The following CAB39 variants were observed in gnomAD, a reference collection of about 807,000 sequenced individuals.
CAB39 encodes the protein calcium binding protein 39, also known as calcium-binding protein 39.
Under a neutral mutation model 40.0 loss-of-function variants are expected in CAB39, and 8 were observed. That is an observed-to-expected ratio of 0.20 (90% CI 0.12 to 0.36). The LOEUF is 0.36. CAB39 is among the 10% of genes least tolerant of loss of function. The pLI is 1.00. For missense variants in CAB39, 270 were observed against 401.1 expected (o/e 0.67, Z 2.79); for synonymous variants, 156 against 141.6 (o/e 1.10, Z -0.72).
chr2:230,820,385 A>G lies in CAB39; in HGVS notation c.*1681A>G, dbSNP rs567269303. 2 of 152,326 alleles carry G rather than the reference A, an allele frequency of 1.3e-5. No individual in the cohort carries two copies. Among genetic ancestry groups the G allele is most frequent in the African/African-American group, 4.8e-5 (2 of 41,562 alleles). 9.4% of individuals were successfully genotyped at this position (152,326 alleles called of 1,614,324 possible). ...GCTCCAGAAAATATAGATATATTTTATTTTTATTAAAATGGCAGTCTACAT... is the reference window on the plus strand; with the variant it reads ...GCTCCAGAAAATATAGATATATTTTGTTTTTATTAAAATGGCAGTCTACAT... On this transcript the variant is annotated 3_prime_UTR_variant, in exon 9 of 9. Coordinates refer to ENST00000258418, the MANE Select transcript of CAB39 (RefSeq NM_016289.4).
At chr2:230,766,580 G>C (rs1695389981) in intron 2 of CAB39, among the ~76,000 whole-genome samples, 1 of 152,202 alleles carries the variant, frequency 6.6e-6, no homozygotes, top group Non-Finnish European at 1.5e-5. Context: ...CTATCACTTA[G>C]GCTGGAGTGC....
At chr2:230,790,838 T>C (rs751619116) in intron 2 of CAB39, 34 bp from the exon 3 acceptor site, 2 of 1,562,338 alleles carry the variant, frequency 1.3e-6, no homozygotes, top group Admixed American at 2.0e-5. Context: ...GAATTGTTTT[T>C]TCTCCTCTTC....
At chr2:230,783,350 G>T (rs1012680250) in intron 2 of CAB39, among the ~76,000 whole-genome samples, 5 of 152,188 alleles carry the variant, frequency 3.3e-5, no homozygotes, top group Non-Finnish European at 7.3e-5. Context: ...TAATTCTTTA[G>T]CTGGCTCCCT....
chr2:230,720,984 G>A (rs762655190), intron 1 of CAB39, among the ~76,000 whole-genome samples: 15 of 152,118 alleles, frequency 9.9e-5, no homozygotes, highest in African/African-American at 1.4e-4. Context: ...TGTAAGTTTC[G>A]TGTCTCTAGA....
At chr2:230,780,660 A>G (rs1348236508) in intron 2 of CAB39, among the ~76,000 whole-genome samples, 1 of 152,258 alleles carries the variant, frequency 6.6e-6, no homozygotes, top group Non-Finnish European at 1.5e-5. Context: ...ACAGAAGTGA[A>G]GTACCCTTTT....
chr2:230,727,792 C>T (rs2124867933), intron 1 of CAB39, among the ~76,000 whole-genome samples: 1 of 152,126 alleles, frequency 6.6e-6, no homozygotes, highest in South Asian at 2.1e-4. Flanking sequence ...GCTCCAGACC[C>T]AGTTAGCATA....
chr2:230,784,525 G>A (rs894036674), intron 2 of CAB39, among the ~76,000 whole-genome samples: 2 of 152,202 alleles, frequency 1.3e-5, no homozygotes, highest in African/African-American at 4.8e-5. Flanking sequence ...GGGATTCCCT[G>A]TGTTTAAATG....
At chr2:230,771,184 C>T (rs548870679) in intron 2 of CAB39, among the ~76,000 whole-genome samples, 17 of 151,936 alleles carry the variant, frequency 1.1e-4, no homozygotes, top group Non-Finnish European at 2.1e-4. Context: ...ATAAGTTTAG[C>T]GAGTCACAGG....
At chr2:230,796,544 C>G (rs1277147446) in intron 4 of CAB39, among the ~76,000 whole-genome samples, 1 of 152,082 alleles carries the variant, frequency 6.6e-6, no homozygotes, top group African/African-American at 2.4e-5. Context: ...TAAAGCTCAG[C>G]AAAGATGAAT....
intron 1 of CAB39, among the ~76,000 whole-genome samples, chr2:230,722,368 GCTGGCCTCAAACTC>G (rs1694469916): frequency 6.6e-6 from 1 of 152,016 alleles, no homozygotes; most frequent in Admixed American, 6.6e-5. Context: ...TATTGCCCAG[GCTGGCCTCAAACTC>G]CTGGGCTCAA....
intron 3 of CAB39, 44 bp downstream of exon 3, chr2:230,791,080 A>C (rs375571681): frequency 6.5e-6 from 9 of 1,384,292 alleles, no homozygotes; most frequent in Non-Finnish European, 8.9e-6. Context: ...TACCCTGTGC[A>C]TAATTCTTTT....
intron 1 of CAB39, among the ~76,000 whole-genome samples, chr2:230,739,682 C>T (rs1409819712): frequency 6.6e-6 from 1 of 152,114 alleles, no homozygotes; most frequent in African/African-American, 2.4e-5. Flanking sequence ...TTAGTAGAGA[C>T]GGGGTTTCTG....
chr2:230,769,607 A>T lies in CAB39; in HGVS notation c.114+9492A>T, dbSNP rs73093077. ...TTAAATTAGAAATGAATAACAGAAA[A>T]ATCCTTAGAAAATCCCAAAATATTT... On this transcript the variant is annotated intron_variant, in intron 2 of 8. Coordinates refer to ENST00000258418, the MANE Select transcript of CAB39 (RefSeq NM_016289.4). Among the ~76,000 whole-genome samples the T allele has an allele frequency of 4.8e-3, 732 of 152,302 alleles. 5 individuals carry two copies. The highest frequency in any genetic ancestry group is 0.017 in the African/African-American group (686 of 41,564).
At chr2:230,727,741 T>C (rs1694612589) in intron 1 of CAB39, among the ~76,000 whole-genome samples, 1 of 151,988 alleles carries the variant, frequency 6.6e-6, no homozygotes, top group South Asian at 2.1e-4. Flanking sequence ...ATTAAATATA[T>C]ATTAAAGGCC....
chr2:230,725,399 G>T (rs1338705900), intron 1 of CAB39: 7 of 1,598,424 alleles, frequency 4.4e-6, no homozygotes, highest in Non-Finnish European at 6.0e-6. Flanking sequence ...TTGGGAGGTT[G>T]TCATCTTGAT....
At chr2:230,748,374 A>G (rs1312764269) in intron 1 of CAB39, among the ~76,000 whole-genome samples, 1 of 152,118 alleles carries the variant, frequency 6.6e-6, no homozygotes, top group African/African-American at 2.4e-5. Context: ...CATGAGTCAC[A>G]CTGGTGTGTG....
intron 1 of CAB39, among the ~76,000 whole-genome samples, chr2:230,759,737 G>C (rs1695256576): frequency 6.6e-6 from 1 of 152,176 alleles, no homozygotes; most frequent in African/African-American, 2.4e-5. Context: ...TTGAAGGAAA[G>C]AAAAACAAAG....
At chr2:230,782,639 G>A (rs1038575771) in intron 2 of CAB39, among the ~76,000 whole-genome samples, 7 of 151,878 alleles carry the variant, frequency 4.6e-5, no homozygotes, top group Admixed American at 3.3e-4. Flanking sequence ...AGGGAATTAC[G>A]TTGTAAATTG....
intron 5 of CAB39, among the ~76,000 whole-genome samples, chr2:230,800,224 A>G (rs1385838083): frequency 6.6e-6 from 1 of 152,080 alleles, no homozygotes; most frequent in African/African-American, 2.4e-5. Flanking sequence ...CCCACCTCAG[A>G]GTGAATGAAT....
Sources: allele counts gnomAD v4.1 joint callset (sites outside exome capture counted in the v4.1 genomes callset), GRCh38; gene constraint gnomAD v4.1.1; transcripts MANE v1.5; gene names NCBI Gene and HGNC (gene_info 2026-07-23, HGNC 2026-07-21).